The following EBF1 variants were observed in gnomAD, a reference collection of about 807,000 sequenced individuals.
EBF1 encodes the protein transcription factor COE1.
Under a neutral mutation model 68.4 loss-of-function variants are expected in EBF1, and 10 were observed. That is an observed-to-expected ratio of 0.15 (90% CI 0.09 to 0.25). The LOEUF (loss-of-function observed/expected upper bound fraction) is 0.25. Ranked by LOEUF, EBF1 falls within the 10% of genes least tolerant of loss-of-function variation. The pLI is 1.00. For synonymous variants in EBF1, 298 were observed against 299.8 expected (o/e 0.99, Z 0.06); for missense variants, 509 against 794.4 (o/e 0.64, Z 4.32).
intron 10 of EBF1, among the ~76,000 whole-genome samples, chr5:158,735,136 C>T (rs1157439811): frequency 1.3e-5 from 2 of 152,142 alleles, no homozygotes; most frequent in Non-Finnish European, 2.9e-5. Context: ...ATCATAAGCC[C>T]TTTAAAACAA....
chr5:159,084,603 G>A, intron 5 of EBF1, 63 bp downstream of exon 5: 4 of 1,219,002 alleles, frequency 3.3e-6, no homozygotes, highest in South Asian at 1.7e-5. Flanking sequence ...AGTTCACCAA[G>A]ATTTGAAATG....
At chr5:158,913,421 T>C (rs1330353122) in intron 6 of EBF1, among the ~76,000 whole-genome samples, 1 of 152,198 alleles carries the variant, frequency 6.6e-6, no homozygotes, top group Non-Finnish European at 1.5e-5. Context: ...GTCAGTGGGC[T>C]TGAATGATTT....
intron 6 of EBF1, among the ~76,000 whole-genome samples, chr5:158,851,801 AGGAGGG>A: frequency 1.0e-5 from 1 of 95,466 alleles, no homozygotes; most frequent in African/African-American, 4.1e-5. Flanking sequence ...AGGAAAGGGA[AGGAGGG>A]AAGGGAAGGG....
chr5:158,795,856 C>A (rs1329810983), intron 9 of EBF1, among the ~76,000 whole-genome samples: 1 of 152,168 alleles, frequency 6.6e-6, no homozygotes, highest in Admixed American at 6.5e-5. Flanking sequence ...TAGGTTCTCC[C>A]AGCAAATCAC....
chr5:159,052,660 T>C (rs1346791557), intron 6 of EBF1, among the ~76,000 whole-genome samples: 1 of 152,190 alleles, frequency 6.6e-6, no homozygotes, highest in Non-Finnish European at 1.5e-5. Flanking sequence ...GACGGATCCT[T>C]TACCATGAGA....
chr5:158,886,269 G>A (rs975844472), intron 6 of EBF1, among the ~76,000 whole-genome samples: 1 of 152,260 alleles, frequency 6.6e-6, no homozygotes, highest in African/African-American at 2.4e-5. Context: ...AAACCCAACA[G>A]ACGCTCCTTG....
chr5:158,767,651 A>C (rs1773028354), intron 10 of EBF1, among the ~76,000 whole-genome samples: 1 of 152,106 alleles, frequency 6.6e-6, no homozygotes, highest in Non-Finnish European at 1.5e-5. Context: ...CTTTACATTT[A>C]GTAATTGTAG....
intron 6 of EBF1, chr5:158,986,560 G>T (rs1237096247): frequency 6.6e-6 from 1 of 152,316 alleles, no homozygotes; most frequent in East Asian, 1.9e-4. Context: ...CAGATATATG[G>T]ATTTGAATGT....
At chr5:158,887,142 C>G (rs182250124) in intron 6 of EBF1, among the ~76,000 whole-genome samples, 3 of 152,170 alleles carry the variant, frequency 2.0e-5, no homozygotes, top group African/African-American at 7.2e-5. Flanking sequence ...CTTAACATTT[C>G]TTTTCAATGA....
intron 6 of EBF1, among the ~76,000 whole-genome samples, chr5:159,059,614 T>A (rs924547302): frequency 1.4e-4 from 21 of 152,326 alleles, no homozygotes; most frequent in Middle Eastern, 3.4e-3. Flanking sequence ...TGGCTAATTA[T>A]AGGAATTAAG....
intron 6 of EBF1, among the ~76,000 whole-genome samples, chr5:158,940,763 GCCCC>G (rs1281689924): frequency 9.4e-4 from 6 of 6,368 alleles, no homozygotes; most frequent in African/African-American, 2.5e-3. Flanking sequence ...TCACCCCACC[GCCCC>G]CCCCCCCCCC....
Position 158,713,128 on chromosome 5 carries a change from G to T in EBF1, c.1211C>A (p.Ala404Glu). 6.6e-7 allele frequency: 1 copy of T among 1,509,180 alleles called. No individual in the cohort carries two copies. The highest frequency in any genetic ancestry group is 1.3e-5 in the South Asian group (1 of 74,130). 93.5% of individuals were successfully genotyped at this position (1,509,180 alleles called of 1,614,324 possible). ...HNNQEIILKR[A>E]ADIAEALYSV... ...GTACAGGGCCTCGGCAATGTCGGCCGCTCTCTTCAGAATGATTTCCTGAAA... is the reference window on the plus strand; with the variant it reads ...GTACAGGGCCTCGGCAATGTCGGCCTCTCTCTTCAGAATGATTTCCTGAAA... The change falls in exon 13 of 16, where the codon GCG (alanine) becomes GAG (glutamate). Residue 404 changes from alanine (A) to glutamate (E), a missense_variant. Physicochemically the swap from Ala to Glu is moderately radical, Grantham distance 107. Transcript: ENST00000313708.
At chr5:158,828,577 C>G (rs1786746389) in intron 7 of EBF1, among the ~76,000 whole-genome samples, 1 of 152,136 alleles carries the variant, frequency 6.6e-6, no homozygotes, top group African/African-American at 2.4e-5. Flanking sequence ...CAAACAAGTA[C>G]TAGTAAAACA....
At chr5:158,948,137 A>G (rs1815210741) in intron 6 of EBF1, among the ~76,000 whole-genome samples, 1 of 152,158 alleles carries the variant, frequency 6.6e-6, no homozygotes, top group South Asian at 2.1e-4. Flanking sequence ...ATCGGGGTGG[A>G]GGGTACGGGT....
intron 10 of EBF1, among the ~76,000 whole-genome samples, chr5:158,744,738 C>G (rs1461740715): frequency 6.6e-6 from 1 of 152,176 alleles, no homozygotes; most frequent in Non-Finnish European, 1.5e-5. Context: ...CAGATCAGTC[C>G]CCAGTCCTAA....
intron 6 of EBF1, among the ~76,000 whole-genome samples, chr5:158,844,206 T>TTTTTA (rs1790933785): frequency 6.6e-6 from 1 of 150,452 alleles, no homozygotes; most frequent in African/African-American, 2.4e-5. Context: ...TTTTTTTTTT[T>TTTTTA]GAGGGGGAAG....
chr5:158,794,974 A>G (rs1421882399), intron 9 of EBF1, among the ~76,000 whole-genome samples: 2 of 152,202 alleles, frequency 1.3e-5, no homozygotes. Flanking sequence ...ATTTGGCTTT[A>G]TGAGAACTTT....
At chr5:159,055,109 G>T (rs1456546701) in intron 6 of EBF1, among the ~76,000 whole-genome samples, 2 of 152,188 alleles carry the variant, frequency 1.3e-5, no homozygotes, top group African/African-American at 4.8e-5. Context: ...CTTGGATGAG[G>T]TAAGGAAGAA....
chr5:159,046,547 T>G (rs1772436386), intron 6 of EBF1, among the ~76,000 whole-genome samples: 1 of 152,174 alleles, frequency 6.6e-6, no homozygotes, highest in African/African-American at 2.4e-5. Flanking sequence ...AAGAGCACAT[T>G]AAGTAGAAGA....
Sources: gnomAD v4.1 joint callset for allele counts (sites outside exome capture counted in the v4.1 genomes callset) on GRCh38, gnomAD v4.1.1 for gene constraint, MANE v1.5 for transcripts, NCBI Gene and HGNC (gene_info 2026-07-23, HGNC 2026-07-21) for gene names.